Variants in RTTN observed in about 807,000 individuals in gnomAD.
RTTN encodes the protein rotatin.
In RTTN, 182 loss-of-function variants were observed where a neutral mutation model predicts 269.2. That is an observed-to-expected ratio of 0.68 (90% CI 0.60 to 0.76). The LOEUF is 0.76. RTTN is among the 30% of genes least tolerant of loss of function. RTTN has a pLI of 0.00. For missense variants in RTTN, 2,545 were observed against 2,608.6 expected (o/e 0.98, Z 0.53); for synonymous variants, 1,006 against 963.5 (o/e 1.04, Z -0.82).
chr18:70,181,904 C>A (rs1313875765), intron 10 of RTTN, among the ~76,000 whole-genome samples: 1 of 152,080 alleles, frequency 6.6e-6, no homozygotes, highest in Non-Finnish European at 1.5e-5. Context: ...ACAGAATTAA[C>A]CTTTAAAGTA....
rs1049933033 is a variant in RTTN at position 70,047,394 on chromosome 18, T to C, written c.5541+577A>G. 8.5e-5 allele frequency among the ~76,000 whole-genome samples: 13 copies of C among 152,350 alleles called. No individual in the cohort carries two copies. The East Asian group carries it at 2.5e-3, about 29-fold the overall frequency. Reference sequence around the variant, plus strand: ...TACTCATCTACTTATAAAATAATACTTTAGTGATTTTAGAATGTTTTCTGA... The same window carrying C: ...TACTCATCTACTTATAAAATAATACCTTAGTGATTTTAGAATGTTTTCTGA... On this transcript the variant is annotated intron_variant, in intron 40 of 48. Transcript: ENST00000640769.
chr18:70,013,393 A>ATGTG (rs747807433), intron 46 of RTTN, among the ~76,000 whole-genome samples: 265 of 147,382 alleles, frequency 1.8e-3, no homozygotes, highest in African/African-American at 6.7e-3. Flanking sequence ...ATATATACAT[A>ATGTG]TGTGTGTGTG....
intron 10 of RTTN, 139 bp from the exon 11 acceptor site, chr18:70,176,984 G>A: frequency 1.7e-6 from 1 of 584,250 alleles, no homozygotes; most frequent in South Asian, 4.0e-5. Flanking sequence ...TTATTCCTGT[G>A]AGAATTACCA....
chr18:70,033,762 A>T (rs2365742), intron 40 of RTTN, among the ~76,000 whole-genome samples: 2 of 151,772 alleles, frequency 1.3e-5, no homozygotes, highest in Non-Finnish European at 2.9e-5. Flanking sequence ...ACCATTCAAA[A>T]GACCAATGAA....
intron 28 of RTTN, among the ~76,000 whole-genome samples, chr18:70,099,412 CCA>C (rs1431739576): frequency 6.6e-6 from 1 of 152,128 alleles, no homozygotes; most frequent in African/African-American, 2.4e-5. Flanking sequence ...TATCCTTCGC[CCA>C]CTTTTTGATG....
At chr18:70,197,001 A>T (rs1203614437) in intron 6 of RTTN, among the ~76,000 whole-genome samples, 1 of 152,222 alleles carries the variant, frequency 6.6e-6, no homozygotes, top group Non-Finnish European at 1.5e-5. Flanking sequence ...CATCTCAAGC[A>T]TCTAAACCAT....
In RTTN at chr18:70,121,604, ATTT is replaced by A; in HGVS notation, c.3477_3479del (p.Lys1159del). The A allele has an allele frequency of 1.4e-5, 22 of 1,580,824 alleles. No homozygotes were observed. The highest frequency in any genetic ancestry group is 1.9e-5 in the Non-Finnish European group (22 of 1,170,450). On this transcript the variant is annotated inframe_deletion, in exon 26 of 49. Coordinates refer to ENST00000640769, the MANE Select transcript of RTTN (RefSeq NM_173630.4). ...TCCAGTTTAGAAGTTCTAGTGAAGA[ATTT>A]TTTCTTTGTTCCTTTATTAATTTAT...
intron 46 of RTTN, among the ~76,000 whole-genome samples, chr18:70,015,833 G>A (rs201274111): frequency 6.6e-6 from 1 of 151,532 alleles, no homozygotes. Flanking sequence ...AGCCCTCAAA[G>A]AAAAAAAAAA....
rs116503448 is a variant in RTTN at position 70,146,219 on chromosome 18, C to A, written c.2310-436G>T. Among the ~76,000 whole-genome samples the A allele has an allele frequency of 4.5e-3, 678 of 152,234 alleles. 2 individuals are homozygous for A. The highest frequency in any genetic ancestry group is 5.6e-3 in the Non-Finnish European group (379 of 68,004). On this transcript the variant is annotated intron_variant, in intron 17 of 48. Transcript: ENST00000640769. Reference sequence around the variant, plus strand: ...TCATAATGGAAGTGTGATAACACTACAATGTATCAAAATCTTCTCATATTA... The same window carrying A: ...TCATAATGGAAGTGTGATAACACTAAAATGTATCAAAATCTTCTCATATTA...
At chr18:70,110,855 T>G (rs2059446389) in intron 27 of RTTN, among the ~76,000 whole-genome samples, 1 of 152,210 alleles carries the variant, frequency 6.6e-6, no homozygotes, top group South Asian at 2.1e-4. Flanking sequence ...GAGATTGACC[T>G]GGGACGCTAG....
At chr18:70,030,596 A>C (rs929311467) in intron 41 of RTTN, among the ~76,000 whole-genome samples, 4 of 152,166 alleles carry the variant, frequency 2.6e-5, no homozygotes, top group African/African-American at 9.7e-5. Context: ...AATGAAACTC[A>C]ATGTGTTACC....
chr18:70,104,423 A>G (rs2059264938), intron 28 of RTTN, among the ~76,000 whole-genome samples: 1 of 151,988 alleles, frequency 6.6e-6, no homozygotes, highest in African/African-American at 2.4e-5. Context: ...CTTCTTTGTG[A>G]TGGGTTCGAA....
Position 70,142,353 on chromosome 18 carries a change from G to T in RTTN, c.2516C>A (p.Thr839Asn). 6.2e-7 allele frequency: 1 copy of T among 1,601,592 alleles called. No individual in the cohort carries two copies. Among genetic ancestry groups the T allele is most frequent in the Non-Finnish European group, 8.5e-7 (1 of 1,173,684 alleles). Residue 839 changes from threonine (T) to asparagine (N), a missense_variant, in exon 19 of 49, where the codon ACC becomes AAC. Physicochemically the swap from Thr to Asn is moderately conservative, Grantham distance 65. Coordinates refer to ENST00000640769, the MANE Select transcript of RTTN (RefSeq NM_173630.4). The stretch of plus-strand genomic sequence containing the variant: ...CAAAACGAGATCAACATCATCTGAG[G>T]TGAAGATTTCATATACCTTTTCAAC... ...ETVEKVYEIF[T>N]SDDVDLVLRK... is the part of the protein sequence containing the mutation.
intron 5 of RTTN, among the ~76,000 whole-genome samples, chr18:70,197,980 C>A (rs1600072602): frequency 6.6e-6 from 1 of 152,094 alleles, no homozygotes; most frequent in Non-Finnish European, 1.5e-5. Context: ...CCCACTAGAC[C>A]CTCTCAAGAG....
chr18:70,166,210 C>A, intron 13 of RTTN, 22 bp from the exon 14 acceptor site: 2 of 1,611,078 alleles, frequency 1.2e-6, no homozygotes, highest in South Asian at 1.1e-5. Context: ...GTAAAACAAC[C>A]AAGACATGTG....
intron 35 of RTTN, among the ~76,000 whole-genome samples, chr18:70,064,976 T>A (rs1023792250): frequency 3.9e-5 from 6 of 152,164 alleles, no homozygotes; most frequent in African/African-American, 1.4e-4. Context: ...TTGCTCCTTT[T>A]GTTCTTAAGA....
At chr18:70,129,564 G>T (rs955222951) in intron 23 of RTTN, 1 of 151,274 alleles carries the variant, frequency 6.6e-6, no homozygotes, top group Non-Finnish European at 1.5e-5. Context: ...CAGAAAACTG[G>T]ATATCCATAT....
At chr18:70,018,984 T>A (rs1200078717) in intron 45 of RTTN, among the ~76,000 whole-genome samples, 1 of 151,998 alleles carries the variant, frequency 6.6e-6, no homozygotes, top group Non-Finnish European at 1.5e-5. Context: ...ACCTGCTGCA[T>A]TTTCTATGTC....
chr18:70,134,805 C>G (rs1227790846), intron 22 of RTTN, among the ~76,000 whole-genome samples: 1 of 152,100 alleles, frequency 6.6e-6, no homozygotes, highest in Admixed American at 6.6e-5. Flanking sequence ...TGCGTCTCCT[C>G]CCACGGATCC....
Sources: gnomAD v4.1 joint callset for allele counts (sites outside exome capture counted in the v4.1 genomes callset) on GRCh38, gnomAD v4.1.1 for gene constraint, MANE v1.5 for transcripts, NCBI Gene and HGNC (gene_info 2026-07-23, HGNC 2026-07-21) for gene names.